The following CELF6 variants were observed in gnomAD, a reference collection of about 807,000 sequenced individuals.
CELF6 encodes Bruno -like 6, RNA binding protein.
In CELF6, 32 loss-of-function variants were observed where a neutral mutation model predicts 53.1. The ratio of observed to expected loss-of-function variants is 0.60; its 90% CI spans 0.46 to 0.81. The LOEUF is 0.81. Ranked by LOEUF, CELF6 falls within the 30% of genes least tolerant of loss-of-function variation. The pLI is 0.00. For synonymous variants in CELF6, 291 were observed against 288.8 expected (o/e 1.01, Z -0.08); for missense variants, 539 against 669.5 (o/e 0.81, Z 2.15).
At chr15:72,316,200 A>G (rs757825793) in intron 1 of CELF6, among the ~76,000 whole-genome samples, 21 of 151,840 alleles carry the variant, frequency 1.4e-4, no homozygotes, top group Non-Finnish European at 2.2e-4. Context: ...ACAATCCCAC[A>G]TCTCCCCTCC....
chr15:72,299,763 T>C lies in CELF6; in HGVS notation c.394+4983A>G, dbSNP rs536538918. ...TTTCCTTTAATAGTGTACTGCTCAA[T>C]GTGTAGCTGCCACAGGATGTAAAAT... On this transcript the variant is annotated intron_variant, in intron 3 of 12. Coordinates refer to ENST00000287202, the MANE Select transcript of CELF6 (RefSeq NM_052840.5). Among the ~76,000 whole-genome samples the C allele has an allele frequency of 1.4e-3, 206 of 152,330 alleles. 1 individual carries two copies. Among genetic ancestry groups the C allele is most frequent in the African/African-American group, 4.5e-3 (189 of 41,560 alleles).
chr15:72,287,441 C>T (rs760413690), intron 11 of CELF6, 49 bp from the exon 12 acceptor site: 4 of 1,607,534 alleles, frequency 2.5e-6, no homozygotes, highest in Non-Finnish European at 3.4e-6. Flanking sequence ...CCTAGCAGGG[C>T]CTCCTTTCTC....
chr15:72,305,202 C>T (rs917969743), intron 2 of CELF6, among the ~76,000 whole-genome samples: 8 of 152,168 alleles, frequency 5.3e-5, no homozygotes, highest in South Asian at 2.1e-4. Flanking sequence ...GAGAATATCA[C>T]GCTATGTGTC....
At position 72,289,086 on chromosome 15, in the gene CELF6, C is replaced by CCCCCGCT; in HGVS notation, c.1030+45_1030+51dup. On this transcript the variant is annotated intron_variant, in intron 8 of 12. Transcript: ENST00000287202. The surrounding 1 kb of genome is among the most constrained non-coding windows in gnomAD (Gnocchi z 7.6). ...GGGAAGCCAGGCCCTAACCCCCCACCCCCCGCTCCCCACTCCATTTCGGGG... is the reference window on the plus strand; with the variant it reads ...GGGAAGCCAGGCCCTAACCCCCCACCCCCCGCTCCCCGCTCCCCACTCCATTTCGGGG... 2.1e-6 allele frequency: 3 copies of CCCCCGCT among 1,411,452 alleles called. No homozygotes were observed. Among genetic ancestry groups the CCCCCGCT allele is most frequent in the Non-Finnish European group, 2.8e-6 (3 of 1,057,780 alleles). The allele number at this position is 1,411,452 out of a possible 1,614,324, so 87.4% of individuals were successfully genotyped here.
Position 72,289,294 on chromosome 15 carries a change from G to T in CELF6, c.881-7C>A. 6.4e-7 allele frequency: 1 copy of T among 1,563,932 alleles called. No individual in the cohort carries two copies. ...CCAGGCGGGGAGTTGGCTGCTGATG[G>T]CGGAAAAGGTCTGAGAGTCAGGCCG... is the stretch of plus-strand genomic sequence containing the variant. On this transcript the variant is annotated splice_polypyrimidine_tract_variant and splice_region_variant and intron_variant, in intron 7 of 12. Coordinates refer to ENST00000287202, the MANE Select transcript of CELF6 (RefSeq NM_052840.5). The surrounding 1 kb of genome is among the most constrained non-coding windows in gnomAD (Gnocchi z 7.6).
chr15:72,307,759 C>T (rs893236235), intron 2 of CELF6, among the ~76,000 whole-genome samples: 4 of 152,176 alleles, frequency 2.6e-5, no homozygotes, highest in East Asian at 1.9e-4. Context: ...ACCAGGGCCT[C>T]GGGGGAGTGC....
At position 72,285,993 on chromosome 15, in the gene CELF6, A is replaced by G. The variant is rs1212054986; in HGVS notation, c.*378T>C. 6.6e-6 allele frequency: 1 copy of G among 152,566 alleles called. No individual in the cohort carries two copies. Among genetic ancestry groups the G allele is most frequent in the African/African-American group, 2.4e-5 (1 of 41,426 alleles). The allele number at this position is 152,566 out of a possible 1,614,324, so 9.5% of individuals were successfully genotyped here. Reference sequence around the variant, plus strand: ...TTTCTTTGTTTTAATTTATATAGATATATATATTCTTAAAAAAGCAATAGT... The same window carrying G: ...TTTCTTTGTTTTAATTTATATAGATGTATATATTCTTAAAAAAGCAATAGT... On this transcript the variant is annotated 3_prime_UTR_variant, in exon 13 of 13. Coordinates refer to ENST00000287202, the MANE Select transcript of CELF6 (RefSeq NM_052840.5).
chr15:72,317,565 C>T (rs1172487912), intron 1 of CELF6, among the ~76,000 whole-genome samples: 1 of 152,150 alleles, frequency 6.6e-6, no homozygotes, highest in Non-Finnish European at 1.5e-5. Context: ...GGGTTGTTTT[C>T]AAAGCACTGT....
chr15:72,289,486 G>C lies in CELF6; in HGVS notation c.769C>G (p.Leu257Val). 1 of 1,526,836 alleles carries C rather than the reference G, an allele frequency of 6.5e-7. No individual in the cohort carries two copies. The highest frequency in any genetic ancestry group is 8.8e-7 in the Non-Finnish European group (1 of 1,142,666). 94.6% of individuals were successfully genotyped at this position (1,526,836 alleles called of 1,614,324 possible). Reference sequence around the variant, plus strand: ...CCTGGGCCCTGTGCCGCCGCCAGCAGGGCCGCCTGGTGCTGCAGGATCTTT... The same window carrying C: ...CCTGGGCCCTGTGCCGCCGCCAGCACGGCCGCCTGGTGCTGCAGGATCTTT... ...TTAILQHQAA[L>V]LAAAQGPGLG... is the part of the protein sequence containing the mutation. Residue 257 changes from leucine to valine, a missense_variant, in exon 7 of 13, where the codon CTG becomes GTG. Physicochemically the swap from Leu to Val is conservative, Grantham distance 32. Around this residue, in one of 3 missense-constraint regions of CELF6, gnomAD observed 358 missense variants for 412.8 expected, o/e 0.87. Transcript: ENST00000287202. The surrounding 1 kb of genome is among the most constrained non-coding windows in gnomAD (Gnocchi z 7.6).
chr15:72,308,806 AGCAATTCTCCT>A lies in CELF6; in HGVS notation c.346-4023_346-4013del, dbSNP rs2088262899. Reference sequence around the variant, plus strand: ...CTGCAATCTCCGCCTCCCAGGTTCAAGCAATTCTCCTGCCTCTGCCTCCTGAGTAGCTGGGA... The same window carrying A: ...CTGCAATCTCCGCCTCCCAGGTTCAAGCCTCTGCCTCCTGAGTAGCTGGGA... On this transcript the variant is annotated intron_variant, in intron 2 of 12. Coordinates refer to ENST00000287202, the MANE Select transcript of CELF6 (RefSeq NM_052840.5). Among the ~76,000 whole-genome samples the A allele has an allele frequency of 4.6e-5, 7 of 151,668 alleles. No individual in the cohort carries two copies. The South Asian group carries it at 1.5e-3, about 32-fold the overall frequency.
At chr15:72,287,678 T>C (rs1041267886) in intron 11 of CELF6, among the ~76,000 whole-genome samples, 1 of 152,306 alleles carries the variant, frequency 6.6e-6, no homozygotes, top group African/African-American at 2.4e-5. Flanking sequence ...CCTCCACAGC[T>C]CCCATTCTGG....
Position 72,289,479 on chromosome 15 carries a change from G to A in CELF6, c.776C>T (p.Ala259Val). 6.5e-7 allele frequency: 1 copy of A among 1,528,416 alleles called. No homozygotes were observed. The highest frequency in any genetic ancestry group is 8.7e-7 in the Non-Finnish European group (1 of 1,143,284). The allele number at this position is 1,528,416 out of a possible 1,614,324, so 94.7% of individuals were successfully genotyped here. The part of the protein sequence containing the change: ...AILQHQAALL[A>V]AAQGPGLGPV... ...GCCTAGGCCTGGGCCCTGTGCCGCC[G>A]CCAGCAGGGCCGCCTGGTGCTGCAG... Residue 259 changes from alanine (A) to valine (V), a missense_variant, in exon 7 of 13, where the codon GCG (alanine) becomes GTG (valine). This residue lies in a region of CELF6 where 358 missense variants were observed against 412.8 expected (regional missense o/e 0.87). Coordinates refer to ENST00000287202, the MANE Select transcript of CELF6 (RefSeq NM_052840.5). The surrounding 1 kb of genome is among the most constrained non-coding windows in gnomAD (Gnocchi z 7.6).
In CELF6 at chr15:72,304,795, C is replaced by T. The variant is rs1219903443; in HGVS notation, c.346-1G>A. Reference sequence around the variant, plus strand: ...GCTTCACTTGGATCGGACGATTCATCTGAAAGACATCGGACCAACACACCC... The same window carrying T: ...GCTTCACTTGGATCGGACGATTCATTTGAAAGACATCGGACCAACACACCC... On this transcript the variant is annotated splice_acceptor_variant, in intron 2 of 12. Transcript: ENST00000287202. LOFTEE classifies it high-confidence loss of function. 1 of 1,614,068 alleles carries T rather than the reference C, an allele frequency of 6.2e-7. No individual in the cohort carries two copies. Among genetic ancestry groups the T allele is most frequent in the Non-Finnish European group, 8.5e-7 (1 of 1,180,036 alleles).
Position 72,288,837 on chromosome 15 carries a change from C to T in CELF6, c.1093+31G>A. 6.5e-7 allele frequency: 1 copy of T among 1,545,700 alleles called. No individual in the cohort carries two copies. The highest frequency in any genetic ancestry group is 8.8e-7 in the Non-Finnish European group (1 of 1,142,272). On this transcript the variant is annotated intron_variant, in intron 9 of 12. Transcript: ENST00000287202. This position sits in a 1 kb window ranked among gnomAD's most constrained non-coding sequence, Gnocchi z 4.6. ...CTATTTCTTTCTAGGGCCCTTCAACCTCCCCCAGGCCGCGTAGCGCCAAGT... is the reference window on the plus strand; with the variant it reads ...CTATTTCTTTCTAGGGCCCTTCAACTTCCCCCAGGCCGCGTAGCGCCAAGT...
Position 72,319,461 on chromosome 15 carries a change from C to A in CELF6, c.262+152G>T, listed in dbSNP as rs2088400072. ...GAGGGAGGATGTCAGAGAGAAAATTCTGTGATCTGGGAAGGGGGCTGGGCT... is the reference window on the plus strand; with the variant it reads ...GAGGGAGGATGTCAGAGAGAAAATTATGTGATCTGGGAAGGGGGCTGGGCT... On this transcript the variant is annotated intron_variant, in intron 1 of 12. Coordinates refer to ENST00000287202, the MANE Select transcript of CELF6 (RefSeq NM_052840.5). This position sits in a 1 kb window ranked among gnomAD's most constrained non-coding sequence, Gnocchi z 5.0. 2.4e-6 allele frequency: 2 copies of A among 817,392 alleles called. No individual in the cohort carries two copies. The highest frequency in any genetic ancestry group is 3.7e-6 in the Non-Finnish European group (2 of 545,650). 50.6% of individuals were successfully genotyped at this position (817,392 alleles called of 1,614,324 possible).
At chr15:72,305,633 C>T (rs906360239) in intron 2 of CELF6, among the ~76,000 whole-genome samples, 20 of 152,160 alleles carry the variant, frequency 1.3e-4, no homozygotes, top group Non-Finnish European at 1.2e-4. Context: ...TCCAAGGTGC[C>T]GTTCTCAGCC....
At position 72,289,597 on chromosome 15, in the gene CELF6, C is replaced by A; in HGVS notation, c.747+30G>T. On this transcript the variant is annotated intron_variant, in intron 6 of 12. Coordinates refer to ENST00000287202, the MANE Select transcript of CELF6 (RefSeq NM_052840.5). This position sits in a 1 kb window ranked among gnomAD's most constrained non-coding sequence, Gnocchi z 7.6. ...CCCAGGCCTGGCCCACCCACCTGCG[C>A]GCCCTCGCACGCAGGTGCCCGGTAC... 2.0e-6 allele frequency: 3 copies of A among 1,475,966 alleles called. No homozygotes were observed. The highest frequency in any genetic ancestry group is 2.6e-5 in the South Asian group (2 of 76,018). The allele number at this position is 1,475,966 out of a possible 1,614,324, so 91.4% of individuals were successfully genotyped here. A position where few individuals can be genotyped will look rare whatever the true frequency, so the allele number is the denominator to read the frequency against.
intron 2 of CELF6, chr15:72,306,413 G>GCCTGTTGT: frequency 1.8e-6 from 1 of 545,720 alleles, no homozygotes; most frequent in Non-Finnish European, 2.3e-6. Flanking sequence ...TTACCAATTT[G>GCCTGTTGT]CTCGTTGCCG....
intron 3 of CELF6, among the ~76,000 whole-genome samples, chr15:72,290,515 G>C (rs1014615405): frequency 6.6e-6 from 1 of 152,192 alleles, no homozygotes; most frequent in Admixed American, 6.5e-5. Flanking sequence ...TGCTCTTGTG[G>C]GGAGTAATGC....
Sources: gnomAD v4.1 joint callset for allele counts (sites outside exome capture counted in the v4.1 genomes callset) on GRCh38, gnomAD v4.1.1 for gene constraint, gnomAD v4.1.1 regional missense constraint, Gnocchi (gnomAD v3.1) non-coding constraint, MANE v1.5 for transcripts, NCBI Gene and HGNC (gene_info 2026-07-23, HGNC 2026-07-21) for gene names.